Variants in PDXDC1 observed in about 807,000 individuals in gnomAD.
PDXDC1 encodes the protein pyridoxal dependent decarboxylase domain containing 1.
In PDXDC1, 42 loss-of-function variants were observed where a neutral mutation model predicts 100.1. The observed-to-expected ratio is 0.42, with a 90% CI of 0.33 to 0.54. The LOEUF is 0.54. Ranked by LOEUF, PDXDC1 falls within the 20% of genes least tolerant of loss-of-function variation. PDXDC1 has a pLI of 0.10. For synonymous variants in PDXDC1, 260 were observed against 371.7 expected (o/e 0.70, Z 3.46); for missense variants, 636 against 979.2 (o/e 0.65, Z 4.68).
chr16:15,084,763 T>G (rs1340862643), intron 16 of PDXDC1: 1 of 1,213,334 alleles, frequency 8.2e-7, no homozygotes, highest in Admixed American at 1.7e-5. Flanking sequence ...GGCGACACGC[T>G]TGAAGCTAAA....
the PDXDC1 span, among the ~76,000 whole-genome samples, chr16:15,149,041 C>T: frequency 2.6e-5 from 4 of 152,222 alleles, no homozygotes; most frequent in Admixed American, 1.3e-4. Flanking sequence ...TCAGGGACCC[C>T]GGGTGAGGCC....
chr16:15,125,580 C>A, intron 16 of PDXDC1: 1 of 1,501,196 alleles, frequency 6.7e-7, no homozygotes, highest in Non-Finnish European at 9.3e-7. Flanking sequence ...ACAAGTCACT[C>A]TTCACCTGTC....
rs1428137594 is a variant in PDXDC1 at position 15,037,977 on chromosome 16, C to G, written c.*1702C>G. On this transcript the variant is annotated 3_prime_UTR_variant, in exon 23 of 23. Transcript: ENST00000396410. ...GATCCAGATCTGGATTCGTGCCAGC[C>G]CCACCAATGGTCTGTCAGGCCAAGA... is the stretch of plus-strand genomic sequence containing the variant. 7.3e-7 allele frequency: 1 copy of G among 1,376,082 alleles called. No individual in the cohort carries two copies. The highest frequency in any genetic ancestry group is 1.0e-6 in the Non-Finnish European group (1 of 978,566). 85.2% of individuals were successfully genotyped at this position (1,376,082 alleles called of 1,614,324 possible).
chr16:15,027,931 A>ATTTC (rs2042744430), intron 14 of PDXDC1, among the ~76,000 whole-genome samples: 1 of 152,150 alleles, frequency 6.6e-6, no homozygotes, highest in Non-Finnish European at 1.5e-5. Context: ...CTAGCCAGGG[A>ATTTC]CCCGCCTTTC....
intron 12 of PDXDC1, among the ~76,000 whole-genome samples, chr16:15,021,123 T>G (rs2042171527): frequency 6.6e-6 from 1 of 152,278 alleles, no homozygotes; most frequent in Non-Finnish European, 1.5e-5. Context: ...ATGCCTATAA[T>G]CCCAGCACTT....
rs1418309690 is a variant in PDXDC1 at position 15,109,843 on chromosome 16, T to C, written c.1400-29036T>C. 1.5e-5 allele frequency among the ~76,000 whole-genome samples: 2 copies of C among 130,876 alleles called. 1 individual carries two copies. The highest frequency in any genetic ancestry group is 3.3e-5 in the Non-Finnish European group (2 of 59,758). 85.9% of individuals were successfully genotyped at this position (130,876 alleles called of 152,430 possible). A position where few individuals can be genotyped will look rare whatever the true frequency, so the allele number is the denominator to read the frequency against. Reference sequence around the variant, plus strand: ...CAGCCTGGGCGACAGAGCGAGACTCTATCTCAAAATTTAAAAAAAAAAAAA... The same window carrying C: ...CAGCCTGGGCGACAGAGCGAGACTCCATCTCAAAATTTAAAAAAAAAAAAA... On this transcript the variant is annotated intron_variant, in intron 16 of 16. Transcript: ENST00000535621.
At chr16:15,130,693 G>A (rs1462305162) in intron 16 of PDXDC1, 16 of 1,477,504 alleles carry the variant, frequency 1.1e-5, no homozygotes, top group Middle Eastern at 2.4e-4. Context: ...GACTCTGGGC[G>A]GATCCTCCTG....
downstream of PDXDC1, among the ~76,000 whole-genome samples, chr16:15,141,481 T>C (rs998613703): frequency 5.9e-5 from 9 of 152,134 alleles, no homozygotes; most frequent in African/African-American, 1.9e-4. Flanking sequence ...GAGGGCACGG[T>C]TGGGGGTGCA....
intron 1 of PDXDC1, among the ~76,000 whole-genome samples, chr16:14,977,269 CTTTTTTTTTT>C (rs5816116): frequency 9.5e-5 from 9 of 95,060 alleles, no homozygotes; most frequent in South Asian, 4.3e-4. Flanking sequence ...ATGGGACTTA[CTTTTTTTTTT>C]TTTTTTTTTT....
At chr16:15,147,079 G>T in the PDXDC1 span, among the ~76,000 whole-genome samples, 2 of 145,962 alleles carry the variant, frequency 1.4e-5, no homozygotes, top group Non-Finnish European at 3.0e-5. Flanking sequence ...GATGAGCCAG[G>T]GAGGGAGAGG....
chr16:15,091,345 C>T, intron 16 of PDXDC1: 1 of 1,589,362 alleles, frequency 6.3e-7, no homozygotes, highest in Non-Finnish European at 8.6e-7. Context: ...GCTGGTTCTT[C>T]AACAACTCAA....
the PDXDC1 span, among the ~76,000 whole-genome samples, chr16:15,145,848 C>T: frequency 1.9e-4 from 29 of 152,362 alleles, no homozygotes; most frequent in East Asian, 1.5e-3. Flanking sequence ...CAGGCCCAGA[C>T]GGCAGCGGGC....
At chr16:15,115,010 G>A (rs1312753143) in intron 16 of PDXDC1, among the ~76,000 whole-genome samples, 6 of 141,482 alleles carry the variant, frequency 4.2e-5, no homozygotes, top group East Asian at 4.2e-4. Flanking sequence ...ATCTCGGCTC[G>A]CTACAACCTC....
intron 8 of PDXDC1, among the ~76,000 whole-genome samples, chr16:15,014,426 A>C (rs1391002467): frequency 6.6e-6 from 1 of 152,294 alleles, no homozygotes; most frequent in Non-Finnish European, 1.5e-5. Context: ...GTTAGTCACC[A>C]GACATTGCCA....
intron 1 of PDXDC1, among the ~76,000 whole-genome samples, chr16:14,976,068 AC>A (rs1966792694): frequency 6.6e-6 from 1 of 152,298 alleles, no homozygotes; most frequent in African/African-American, 2.4e-5. Flanking sequence ...TGACTGCTCT[AC>A]CATGTGAAAC....
intron 16 of PDXDC1, among the ~76,000 whole-genome samples, chr16:15,069,254 T>C (rs2045117029): frequency 6.6e-6 from 1 of 151,890 alleles, no homozygotes; most frequent in Non-Finnish European, 1.5e-5. Context: ...TGGCAGCTAG[T>C]AGGTGGAGGC....
At chr16:15,135,712 G>C (rs1158525139) in intron 16 of PDXDC1, 1 of 1,594,626 alleles carries the variant, frequency 6.3e-7, no homozygotes, top group East Asian at 2.2e-5. Flanking sequence ...CCTCCAGGTT[G>C]GGGTCGTAGG....
chr16:15,089,539 G>T (rs1008752254), intron 16 of PDXDC1, among the ~76,000 whole-genome samples: 2 of 152,066 alleles, frequency 1.3e-5, no homozygotes, highest in African/African-American at 2.4e-5. Flanking sequence ...GGTTACTCAC[G>T]CCTCTAATCC....
chr16:15,046,345 T>G (rs535447763), intron 16 of PDXDC1, among the ~76,000 whole-genome samples: 5 of 152,130 alleles, frequency 3.3e-5, no homozygotes, highest in Non-Finnish European at 1.5e-5. Context: ...TCCAGTAAAA[T>G]GAGAGCAACA....
Sources: allele counts gnomAD v4.1 joint callset (sites outside exome capture counted in the v4.1 genomes callset), GRCh38; gene constraint gnomAD v4.1.1; transcripts MANE v1.5; gene names NCBI Gene and HGNC (gene_info 2026-07-23, HGNC 2026-07-21).